KLF12: variants seen among roughly 807,000 people sequenced by gnomAD.
The protein encoded by KLF12 is Krueppel-like factor 12.
A neutral mutation model predicts 37.8 loss-of-function variants in KLF12; 9 were observed. The ratio of observed to expected loss-of-function variants is 0.24; its 90% CI spans 0.14 to 0.42. KLF12 has a LOEUF of 0.42. KLF12 is among the 10% of genes least tolerant of loss of function. The pLI is 1.00. For synonymous variants in KLF12, 208 were observed against 202.1 expected, an observed-to-expected ratio of 1.03 and a Z score of -0.25; for missense variants, 411 against 516.0, an observed-to-expected ratio of 0.80 and a Z score of 1.97.
intron 1 of KLF12, among the ~76,000 whole-genome samples, chr13:74,081,327 A>G (rs767862709): frequency 6.6e-5 from 10 of 152,238 alleles, no homozygotes; most frequent in Non-Finnish European, 7.3e-5. Context: ...ATAGGTATTC[A>G]GTAATCAAAA....
At chr13:74,095,102 T>A (rs992828735) in intron 1 of KLF12, among the ~76,000 whole-genome samples, 1 of 152,204 alleles carries the variant, frequency 6.6e-6, no homozygotes, top group Non-Finnish European at 1.5e-5. Flanking sequence ...TTTGATACAA[T>A]AAAGTCTGCA....
chr13:74,117,893 G>C (rs1383241561), intron 1 of KLF12, among the ~76,000 whole-genome samples: 6 of 152,120 alleles, frequency 3.9e-5, no homozygotes, highest in Non-Finnish European at 1.5e-5. Context: ...CCACAAAACA[G>C]AAAACTTAAC....
At chr13:74,209,024 G>A in the KLF12 span, among the ~76,000 whole-genome samples, 2 of 151,870 alleles carry the variant, frequency 1.3e-5, no homozygotes, top group Non-Finnish European at 2.9e-5. Flanking sequence ...AGTTAAATCC[G>A]ATCTTGAGTG....
At chr13:73,738,122 TATACAC>T (rs1877646757) in intron 6 of KLF12, among the ~76,000 whole-genome samples, 1 of 64,934 alleles carries the variant, frequency 1.5e-5, no homozygotes, top group Non-Finnish European at 2.9e-5. Context: ...TATATATATA[TATACAC>T]ACACACACAT....
intron 3 of KLF12, among the ~76,000 whole-genome samples, chr13:73,852,066 C>A (rs1165519062): frequency 3.3e-5 from 5 of 152,160 alleles, no homozygotes; most frequent in African/African-American, 1.2e-4. Flanking sequence ...ATAAAAGTCA[C>A]CACACATCCA....
chr13:74,272,038 T>C, the KLF12 span, among the ~76,000 whole-genome samples: 1 of 152,256 alleles, frequency 6.6e-6, no homozygotes, highest in Admixed American at 6.5e-5. Flanking sequence ...GGGAGTCTGA[T>C]AACATAGTTT....
chr13:74,035,930 A>G (rs1004906549), intron 1 of KLF12, among the ~76,000 whole-genome samples: 3 of 152,192 alleles, frequency 2.0e-5, no homozygotes, highest in Non-Finnish European at 4.4e-5. Context: ...CTTTAATGTG[A>G]CATGGGAGTT....
rs1247592653 is a variant in KLF12 at position 73,693,513 on chromosome 13, T to C, written c.*1977A>G. ...AAATCATTACACTGTTGCTTAATGTTTTAAAAAATTCCTTTTGAATACCAT... is the reference window on the plus strand; with the variant it reads ...AAATCATTACACTGTTGCTTAATGTCTTAAAAAATTCCTTTTGAATACCAT... On this transcript the variant is annotated 3_prime_UTR_variant, in exon 8 of 8. Coordinates refer to ENST00000377669, the MANE Select transcript of KLF12 (RefSeq NM_007249.5). The C allele has an allele frequency of 1.3e-5, 2 of 152,228 alleles. No individual in the cohort carries two copies. The highest frequency in any genetic ancestry group is 3.8e-4 in the East Asian group (2 of 5,206). 9.4% of individuals were successfully genotyped at this position (152,228 alleles called of 1,614,324 possible). A position where few individuals can be genotyped will look rare whatever the true frequency, so the allele number is the denominator to read the frequency against.
chr13:73,988,257 G>T (rs1376830122), intron 2 of KLF12, among the ~76,000 whole-genome samples: 1 of 152,204 alleles, frequency 6.6e-6, no homozygotes. Context: ...CTTACAGTCA[G>T]TGTCATACTG....
At chr13:74,112,378 C>A (rs1877024983) in intron 1 of KLF12, among the ~76,000 whole-genome samples, 1 of 84,864 alleles carries the variant, frequency 1.2e-5, no homozygotes, top group South Asian at 4.9e-4. Flanking sequence ...CTGCACTTTG[C>A]AGATATTGTC....
intron 6 of KLF12, among the ~76,000 whole-genome samples, chr13:73,728,526 C>T (rs146932625): frequency 9.5e-4 from 145 of 152,320 alleles, no homozygotes; most frequent in African/African-American, 3.4e-3. Flanking sequence ...GGGTTAGGTG[C>T]TCAGTCTTCT....
chr13:74,287,964 C>A, the KLF12 span, among the ~76,000 whole-genome samples: 6 of 152,056 alleles, frequency 3.9e-5, no homozygotes, highest in Admixed American at 6.5e-5. Context: ...GCTCCACCCC[C>A]CTCCCACCCG....
intron 2 of KLF12, among the ~76,000 whole-genome samples, chr13:73,949,183 CTATGTACCTACCTG>C (rs1165907924): frequency 6.6e-6 from 1 of 152,186 alleles, no homozygotes; most frequent in East Asian, 1.9e-4. Context: ...TCACCATACT[CTATGTACCTACCTG>C]TCCACTCACT....
chr13:74,131,375 G>T (rs565449482), intron 1 of KLF12, among the ~76,000 whole-genome samples: 1 of 152,260 alleles, frequency 6.6e-6, no homozygotes, highest in South Asian at 2.1e-4. Flanking sequence ...TTCTCCCTTT[G>T]GCCTGGGGAG....
chr13:73,787,207 C>G (rs1375259197), intron 5 of KLF12, among the ~76,000 whole-genome samples: 1 of 152,146 alleles, frequency 6.6e-6, no homozygotes, highest in Non-Finnish European at 1.5e-5. Context: ...TATGGAGCAC[C>G]TGCTTTTTTG....
At chr13:73,776,458 T>G (rs1415660756) in intron 5 of KLF12, among the ~76,000 whole-genome samples, 1 of 152,244 alleles carries the variant, frequency 6.6e-6, no homozygotes, top group East Asian at 1.9e-4. Context: ...CTAAAGGTAC[T>G]TGTGGAGATT....
chr13:73,901,811 A>AT lies in KLF12; in HGVS notation c.123+42169dup, dbSNP rs1375713224. Among the ~76,000 whole-genome samples the AT allele has an allele frequency of 3.9e-5, 6 of 152,336 alleles. No homozygotes were observed. In the East Asian group the frequency reaches 9.6e-4, roughly 24 times the overall value. ...GTAAAACAGGAAAATAAATCTCATT[A>AT]TATCAACCCAAACATGAATGTAATT... On this transcript the variant is annotated intron_variant, in intron 3 of 7. Transcript: ENST00000377669.
chr13:74,042,073 G>A (rs1393840407), intron 1 of KLF12, among the ~76,000 whole-genome samples: 1 of 152,110 alleles, frequency 6.6e-6, no homozygotes, highest in East Asian at 1.9e-4. Context: ...GGAGGCTGAG[G>A]TGGGTGGATC....
intron 3 of KLF12, among the ~76,000 whole-genome samples, chr13:73,849,588 G>A (rs963247532): frequency 9.2e-5 from 14 of 151,972 alleles, no homozygotes; most frequent in African/African-American, 3.1e-4. Flanking sequence ...GAGGAGATAC[G>A]GGGTATGCCA....
Sources: gnomAD v4.1 joint callset for allele counts (sites outside exome capture counted in the v4.1 genomes callset) on GRCh38, gnomAD v4.1.1 for gene constraint, MANE v1.5 for transcripts, NCBI Gene and HGNC (gene_info 2026-07-23, HGNC 2026-07-21) for gene names.